FRMD5: variants seen among roughly 807,000 people sequenced by gnomAD.
The protein encoded by FRMD5 is FERM domain containing 5.
In FRMD5, 20 loss-of-function variants were observed where a neutral mutation model predicts 69.0. That is an observed-to-expected ratio of 0.29 (90% CI 0.20 to 0.42). FRMD5 has a LOEUF of 0.42. Ranked by LOEUF, FRMD5 falls within the 10% of genes least tolerant of loss-of-function variation. FRMD5 has a pLI of 1.00. For synonymous variants in FRMD5, 271 were observed against 260.1 expected (o/e 1.04, Z -0.40); for missense variants, 595 against 708.6 (o/e 0.84, Z 1.82).
intron 1 of FRMD5, among the ~76,000 whole-genome samples, chr15:44,064,783 A>G (rs1394257534): frequency 6.6e-6 from 1 of 152,240 alleles, no homozygotes; most frequent in Non-Finnish European, 1.5e-5. Flanking sequence ...GTCCCTTTTA[A>G]GTCCCAGAAT....
chr15:43,931,528 G>A (rs1428013068), intron 1 of FRMD5, among the ~76,000 whole-genome samples: 1 of 151,730 alleles, frequency 6.6e-6, no homozygotes, highest in Non-Finnish European at 1.5e-5. Context: ...GGGAAAGATC[G>A]ACTTCCCCTT....
chr15:43,964,942 A>C (rs536980293), intron 1 of FRMD5, among the ~76,000 whole-genome samples: 6 of 152,200 alleles, frequency 3.9e-5, no homozygotes, highest in Non-Finnish European at 8.8e-5. Flanking sequence ...AACTAAGTAT[A>C]ATTAGGGTTG....
intron 1 of FRMD5, among the ~76,000 whole-genome samples, chr15:44,145,321 C>T (rs1471112162): frequency 6.6e-6 from 1 of 152,176 alleles, no homozygotes; most frequent in African/African-American, 2.4e-5. Context: ...CCTGTTAACA[C>T]AACCACTTAA....
intron 4 of FRMD5, among the ~76,000 whole-genome samples, chr15:43,910,544 A>AG (rs1356431412): frequency 7.2e-6 from 1 of 139,240 alleles, no homozygotes; most frequent in Admixed American, 7.8e-5. Flanking sequence ...ACTGCACTCT[A>AG]GCCTGGGCAA....
At chr15:44,083,940 T>C (rs1175623447) in intron 1 of FRMD5, among the ~76,000 whole-genome samples, 6 of 152,054 alleles carry the variant, frequency 3.9e-5, no homozygotes, top group African/African-American at 7.2e-5. Flanking sequence ...ATCCTGAACA[T>C]ACCTACCTTT....
chr15:43,931,933 C>T (rs1214615306), intron 1 of FRMD5, among the ~76,000 whole-genome samples: 1 of 152,134 alleles, frequency 6.6e-6, no homozygotes, highest in Non-Finnish European at 1.5e-5. Flanking sequence ...TCTGGGAAGG[C>T]AAAGGCTTTG....
chr15:44,060,206 C>A (rs555790163), intron 1 of FRMD5, among the ~76,000 whole-genome samples: 3 of 152,300 alleles, frequency 2.0e-5, no homozygotes, highest in Non-Finnish European at 4.4e-5. Context: ...GAAACTCATT[C>A]TACAGCCTAA....
chr15:44,001,171 T>C (rs766472430), intron 1 of FRMD5, among the ~76,000 whole-genome samples: 1 of 152,236 alleles, frequency 6.6e-6, no homozygotes, highest in Non-Finnish European at 1.5e-5. Context: ...GTTGAACACC[T>C]TTTCATATAC....
rs138276316 is a variant in FRMD5 at position 44,040,676 on chromosome 15, G to A, written c.103-116367C>T. On this transcript the variant is annotated intron_variant, in intron 1 of 13. Coordinates refer to ENST00000417257, the MANE Select transcript of FRMD5 (RefSeq NM_032892.5). ...AGCTCCTGTAGGAAACACTAAACAT[G>A]GAAAGGAACAACCAGTACCAGCCAC... 2.3e-3 allele frequency among the ~76,000 whole-genome samples: 343 copies of A among 152,050 alleles called. 2 individuals are homozygous for A. Among genetic ancestry groups the A allele is most frequent in the African/African-American group, 7.7e-3 (320 of 41,460 alleles).
intron 1 of FRMD5, among the ~76,000 whole-genome samples, chr15:43,951,674 T>C (rs2090031401): frequency 6.6e-6 from 1 of 152,192 alleles, no homozygotes; most frequent in African/African-American, 2.4e-5. Context: ...TATTAGATGT[T>C]ATTGTCCTTT....
At chr15:44,116,961 A>C (rs1217015905) in intron 1 of FRMD5, among the ~76,000 whole-genome samples, 1 of 151,044 alleles carries the variant, frequency 6.6e-6, no homozygotes, top group East Asian at 1.9e-4. Context: ...GTGGGCCTGT[A>C]ATCCCAGCTA....
At chr15:43,944,347 C>T (rs909659487) in intron 1 of FRMD5, among the ~76,000 whole-genome samples, 201 of 152,340 alleles carry the variant, frequency 1.3e-3, no homozygotes, top group Non-Finnish European at 2.1e-4. Flanking sequence ...ATCCATTAAC[C>T]CTTTAATCTA....
chr15:44,170,241 T>G (rs2077777087), intron 1 of FRMD5, among the ~76,000 whole-genome samples: 1 of 152,178 alleles, frequency 6.6e-6, no homozygotes, highest in African/African-American at 2.4e-5. Context: ...ATACTTTAAT[T>G]AGGCCAGACA....
chr15:43,960,584 A>G (rs1482762127), intron 1 of FRMD5, among the ~76,000 whole-genome samples: 1 of 147,222 alleles, frequency 6.8e-6, no homozygotes, highest in Non-Finnish European at 1.5e-5. Flanking sequence ...GGGTTTCTCC[A>G]TGTTGGTCAG....
At chr15:44,068,442 G>A (rs77318528) in intron 1 of FRMD5, among the ~76,000 whole-genome samples, 6,056 of 152,238 alleles carry the variant, frequency 0.04, 359 homozygotes, top group African/African-American at 0.13. Flanking sequence ...ACATGCTGCA[G>A]TATGGATGAA....
intron 1 of FRMD5, among the ~76,000 whole-genome samples, chr15:43,936,866 A>G (rs1350962682): frequency 6.6e-6 from 1 of 152,072 alleles, no homozygotes; most frequent in East Asian, 1.9e-4. Flanking sequence ...TTATACAACC[A>G]ACACAGTAAA....
chr15:43,942,535 A>G (rs2089879851), intron 1 of FRMD5, among the ~76,000 whole-genome samples: 2 of 152,220 alleles, frequency 1.3e-5, no homozygotes, highest in Admixed American at 1.3e-4. Context: ...TCTCCCAAAA[A>G]ATGCATTTAA....
intron 1 of FRMD5, among the ~76,000 whole-genome samples, chr15:44,045,415 C>T (rs897740273): frequency 6.6e-6 from 1 of 152,088 alleles, no homozygotes; most frequent in African/African-American, 2.4e-5. Context: ...CATTCACTTC[C>T]CCTCTCTGGA....
At chr15:43,879,799 T>TC (rs2088473066) in intron 13 of FRMD5, 10 of 397,412 alleles carry the variant, frequency 2.5e-5, no homozygotes, top group Middle Eastern at 6.3e-4. Context: ...TTTCTGCAGA[T>TC]CCCACATCAT....
Sources: gnomAD v4.1 joint callset for allele counts (sites outside exome capture counted in the v4.1 genomes callset) on GRCh38, gnomAD v4.1.1 for gene constraint, MANE v1.5 for transcripts, NCBI Gene and HGNC (gene_info 2026-07-23, HGNC 2026-07-21) for gene names.